Variants in CSMD1 observed in about 807,000 individuals in gnomAD.
CSMD1 encodes CUB and Sushi multiple domains 1.
CSMD1 carries 213 observed loss-of-function variants against 417.5 expected under a neutral mutation model. The ratio of observed to expected loss-of-function variants is 0.51; its 90% CI spans 0.46 to 0.57. The LOEUF (loss-of-function observed/expected upper bound fraction) is 0.57. Among genes scored for constraint, CSMD1 ranks in the 20% least tolerant of loss-of-function variants. The pLI is 0.00. For synonymous variants in CSMD1, 2,862 were observed against 1,736.8 expected, an observed-to-expected ratio of 1.65 and a Z score of -16.11; for missense variants, 6,923 against 4,529.7, an observed-to-expected ratio of 1.53 and a Z score of -15.17.
intron 3 of CSMD1, among the ~76,000 whole-genome samples, chr8:4,333,806 G>A (rs1167436876): frequency 6.6e-6 from 1 of 152,096 alleles, no homozygotes; most frequent in Non-Finnish European, 1.5e-5. Flanking sequence ...CACATTGCTT[G>A]TGTGCAAATA....
At chr8:4,054,862 T>A (rs923000629) in intron 3 of CSMD1, among the ~76,000 whole-genome samples, 3 of 152,128 alleles carry the variant, frequency 2.0e-5, no homozygotes, top group African/African-American at 7.2e-5. Context: ...GAGAATGTAT[T>A]GAAATGTTCT....
intron 5 of CSMD1, among the ~76,000 whole-genome samples, chr8:3,908,574 C>A (rs377070067): frequency 6.6e-6 from 1 of 152,084 alleles, no homozygotes; most frequent in Non-Finnish European, 1.5e-5. Context: ...CTCACATTTG[C>A]CTCTCCCTTG....
intron 5 of CSMD1, among the ~76,000 whole-genome samples, chr8:3,969,245 G>C (rs745834513): frequency 6.6e-6 from 1 of 152,098 alleles, no homozygotes; most frequent in Non-Finnish European, 1.5e-5. Context: ...GTGAGACTCT[G>C]TCTCGATAAA....
intron 5 of CSMD1, among the ~76,000 whole-genome samples, chr8:3,960,875 T>C (rs1434919653): frequency 6.6e-6 from 1 of 152,050 alleles, no homozygotes; most frequent in Non-Finnish European, 1.5e-5. Flanking sequence ...TTATACCTAA[T>C]GTTTATACAA....
At chr8:3,370,708 C>T (rs1447003756) in intron 18 of CSMD1, among the ~76,000 whole-genome samples, 3 of 152,340 alleles carry the variant, frequency 2.0e-5, no homozygotes, top group Admixed American at 1.3e-4. Flanking sequence ...GGCACGGTAG[C>T]TCACACCTGT....
intron 3 of CSMD1, among the ~76,000 whole-genome samples, chr8:4,386,954 G>T (rs1054677146): frequency 6.6e-6 from 1 of 152,174 alleles, no homozygotes; most frequent in East Asian, 1.9e-4. Context: ...ATCATGAAGT[G>T]TAATATGTTA....
intron 1 of CSMD1, among the ~76,000 whole-genome samples, chr8:4,916,749 A>G (rs1806091122): frequency 6.6e-6 from 1 of 152,250 alleles, no homozygotes; most frequent in African/African-American, 2.4e-5. Context: ...AATAGGTATC[A>G]AGGTTCATAT....
intron 2 of CSMD1, among the ~76,000 whole-genome samples, chr8:4,613,316 AC>A (rs1371935672): frequency 6.6e-6 from 1 of 152,180 alleles, no homozygotes; most frequent in Non-Finnish European, 1.5e-5. Context: ...TAGAGTAGAC[AC>A]CACCGCAGGT....
At chr8:4,602,065 A>C (rs1800618232) in intron 2 of CSMD1, among the ~76,000 whole-genome samples, 1 of 152,340 alleles carries the variant, frequency 6.6e-6, no homozygotes, top group East Asian at 1.9e-4. Context: ...AAATAGATAA[A>C]GGATGTATTA....
Position 3,121,473 on chromosome 8 carries a change from A to G in CSMD1, c.6242-2886T>C, listed in dbSNP as rs550867063. ...AGGGACGAGAAGTGGGAAGAACACT[A>G]TGTGAGACAAATTCCTCCCAGAGCG... On this transcript the variant is annotated intron_variant, in intron 41 of 69. Coordinates refer to ENST00000635120, the MANE Select transcript of CSMD1 (RefSeq NM_033225.6). 4.6e-5 allele frequency among the ~76,000 whole-genome samples: 7 copies of G among 152,306 alleles called. No homozygotes were observed. In the East Asian group the frequency reaches 1.4e-3, roughly 29 times the overall value.
chr8:3,460,434 T>G (rs1251525456), intron 12 of CSMD1, among the ~76,000 whole-genome samples: 1 of 152,084 alleles, frequency 6.6e-6, no homozygotes, highest in Non-Finnish European at 1.5e-5. Context: ...TCCAACCAAT[T>G]TGAAACAGTG....
chr8:3,667,987 T>C (rs1372345941), intron 7 of CSMD1, among the ~76,000 whole-genome samples: 1 of 152,064 alleles, frequency 6.6e-6, no homozygotes, highest in South Asian at 2.1e-4. Flanking sequence ...CCAATCCCGA[T>C]CAATATGAGT....
chr8:4,012,008 T>C (rs1816577907), intron 4 of CSMD1, among the ~76,000 whole-genome samples: 1 of 148,188 alleles, frequency 6.7e-6, no homozygotes, highest in Admixed American at 6.8e-5. Context: ...ACTGTATTGT[T>C]TAGGTAATAA....
At chr8:2,969,028 T>C (rs1035418386) in intron 57 of CSMD1, among the ~76,000 whole-genome samples, 1 of 152,142 alleles carries the variant, frequency 6.6e-6, no homozygotes, top group Non-Finnish European at 1.5e-5. Flanking sequence ...TGCTGTTAAA[T>C]TGAGTTAAAT....
At chr8:3,890,694 C>G (rs914254509) in intron 5 of CSMD1, among the ~76,000 whole-genome samples, 4 of 151,512 alleles carry the variant, frequency 2.6e-5, no homozygotes, top group East Asian at 1.9e-4. Flanking sequence ...GAGTCCTGCC[C>G]CAGAAAACAT....
At chr8:3,818,958 T>G (rs1421473328) in intron 5 of CSMD1, among the ~76,000 whole-genome samples, 2 of 152,174 alleles carry the variant, frequency 1.3e-5, no homozygotes, top group African/African-American at 4.8e-5. Context: ...AGGGGTTTGG[T>G]AGTTGACAAA....
chr8:3,230,169 T>A lies in CSMD1; in HGVS notation c.4216A>T (p.Ser1406Cys), dbSNP rs567227065. 1 of 1,613,548 alleles carries A rather than the reference T, an allele frequency of 6.2e-7. No homozygotes were observed. Among genetic ancestry groups the A allele is most frequent in the East Asian group, 2.2e-5 (1 of 44,836 alleles). ...MPQNGTRYGD[S>C]REAGDTVTFQ... ...GTGACGGTGTCTCCAGCCTCTCTGC[T>A]GTCTCCATAGCGGGTGCCATTTTGG... Residue 1406 changes from serine (S) to cysteine (C), a missense_variant, in exon 27 of 70, where the codon AGC (serine) becomes TGC (cysteine). Coordinates refer to ENST00000635120, the MANE Select transcript of CSMD1 (RefSeq NM_033225.6).
At chr8:4,742,792 A>G (rs1467734183) in intron 1 of CSMD1, among the ~76,000 whole-genome samples, 2 of 152,210 alleles carry the variant, frequency 1.3e-5, no homozygotes, top group Admixed American at 6.5e-5. Context: ...TAAAAGCCCA[A>G]TTATATAAAT....
chr8:4,559,565 G>A (rs190702230), intron 2 of CSMD1, among the ~76,000 whole-genome samples: 1 of 152,278 alleles, frequency 6.6e-6, no homozygotes, highest in Admixed American at 6.5e-5. Context: ...GTGTGTGTAA[G>A]TCATCCATAG....
Sources: gnomAD v4.1 joint callset for allele counts (sites outside exome capture counted in the v4.1 genomes callset) on GRCh38, gnomAD v4.1.1 for gene constraint, MANE v1.5 for transcripts, NCBI Gene and HGNC (gene_info 2026-07-23, HGNC 2026-07-21) for gene names.